Variants in NINL observed in about 807,000 individuals in gnomAD.
NINL encodes the protein ninein-like protein.
Under a neutral mutation model 160.3 loss-of-function variants are expected in NINL, and 153 were observed. The ratio of observed to expected loss-of-function variants is 0.95; its 90% CI spans 0.84 to 1.09. The LOEUF (loss-of-function observed/expected upper bound fraction) is 1.09, where lower values mean the gene tolerates loss of function less well. Ranked by LOEUF, NINL falls within the 50% of genes least tolerant of loss-of-function variation. The pLI is 0.00. For synonymous variants in NINL, 800 were observed against 734.8 expected, an observed-to-expected ratio of 1.09 and a Z score of -1.43; for missense variants, 1,829 against 1,764.0, an observed-to-expected ratio of 1.04 and a Z score of -0.66.
chr20:25,536,552 A>G (rs1393222092), intron 1 of NINL, among the ~76,000 whole-genome samples: 1 of 152,166 alleles, frequency 6.6e-6, no homozygotes, highest in Non-Finnish European at 1.5e-5. Flanking sequence ...CTCTACAAAA[A>G]TACAAAAAAT....
intron 3 of NINL, among the ~76,000 whole-genome samples, chr20:25,517,134 C>G (rs1013464940): frequency 1.3e-5 from 2 of 152,120 alleles, no homozygotes; most frequent in African/African-American, 2.4e-5. Context: ...TGTCCCAAAC[C>G]CTGTGACAGC....
chr20:25,553,022 G>C (rs1351894120), intron 1 of NINL, among the ~76,000 whole-genome samples: 3 of 152,042 alleles, frequency 2.0e-5, no homozygotes, highest in Non-Finnish European at 4.4e-5. Flanking sequence ...CCACGCAAGG[G>C]CACTGGTGCA....
intron 22 of NINL, among the ~76,000 whole-genome samples, chr20:25,456,278 T>C (rs1600973233): frequency 1.5e-5 from 2 of 135,334 alleles, no homozygotes; most frequent in East Asian, 4.5e-4. Context: ...CCAGGTGCAG[T>C]GGTTCACAAC....
chr20:25,532,698 TG>T (rs2064486833), intron 1 of NINL, among the ~76,000 whole-genome samples: 1 of 152,152 alleles, frequency 6.6e-6, no homozygotes, highest in African/African-American at 2.4e-5. Context: ...GGCAAGCAGG[TG>T]AGTCAGACAC....
At chr20:25,495,320 G>A (rs752002319) in intron 10 of NINL, among the ~76,000 whole-genome samples, 4 of 152,198 alleles carry the variant, frequency 2.6e-5, no homozygotes, top group African/African-American at 7.2e-5. Flanking sequence ...TGGGGACTCC[G>A]CAGCACCCCA....
intron 3 of NINL, among the ~76,000 whole-genome samples, chr20:25,515,429 G>C (rs2064143101): frequency 6.6e-6 from 1 of 152,170 alleles, no homozygotes; most frequent in Non-Finnish European, 1.5e-5. Context: ...CAGGCTCATA[G>C]GCGGAAGGGA....
At position 25,476,661 on chromosome 20, in the gene NINL, G is replaced by A. The variant is rs770058821; in HGVS notation, c.2630C>T (p.Pro877Leu). ...RESEEAAGAG[P>L]RRRQAQDTEA... ...TGTGTCCTGGGCTTGCCTGCGGCGA[G>A]GCCCGGCTCCTGCCGCCTCCTCAGA... is the stretch of plus-strand genomic sequence containing the variant. The change falls in exon 17 of 24, where the codon CCT becomes CTT. Residue 877 changes from proline (P) to leucine (L), a missense_variant. Pro to Leu is a moderately conservative substitution (Grantham distance 98). Coordinates refer to ENST00000278886, the MANE Select transcript of NINL (RefSeq NM_025176.6). The A allele has an allele frequency of 6.9e-6, 11 of 1,587,844 alleles. No homozygotes were observed. In the East Asian group the frequency reaches 2.2e-4, roughly 32 times the overall value.
chr20:25,577,868 C>T (rs1164598035), intron 1 of NINL, among the ~76,000 whole-genome samples: 37 of 150,454 alleles, frequency 2.5e-4, no homozygotes, highest in African/African-American at 9.0e-4. Flanking sequence ...GTTTCACTCT[C>T]GTTGCCCAGG....
intron 10 of NINL, among the ~76,000 whole-genome samples, chr20:25,493,784 C>A (rs2146713476): frequency 6.6e-6 from 1 of 152,168 alleles, no homozygotes; most frequent in Admixed American, 6.5e-5. Context: ...CGCTTCCTAA[C>A]AAAATGCCTT....
chr20:25,532,295 G>A (rs1338567425), intron 1 of NINL, among the ~76,000 whole-genome samples: 3 of 152,200 alleles, frequency 2.0e-5, no homozygotes. Context: ...TTCGAGGCTG[G>A]GCTAGGATTT....
Position 25,467,423 on chromosome 20 carries a change from T to C in NINL, c.3389A>G (p.Lys1130Arg), listed in dbSNP as rs751610294. The C allele has an allele frequency of 1.9e-6, 3 of 1,613,604 alleles. No individual in the cohort carries two copies. In the South Asian group the frequency reaches 3.3e-5, roughly 18 times the overall value. ...EIEVLKKDKE[K>R]ACSEMEVLNR... ...GAGCACCTCCATCTCAGAGCAGGCC[T>C]TTTCCTTGTCTTTCTTTAAAACCTC... is the stretch of plus-strand genomic sequence containing the variant. Residue 1130 changes from lysine (K) to arginine (R), a missense_variant, in exon 19 of 24, where the codon AAG (lysine) becomes AGG (arginine). Physicochemically the swap from Lys to Arg is conservative, Grantham distance 26. Coordinates refer to ENST00000278886, the MANE Select transcript of NINL (RefSeq NM_025176.6).
At position 25,496,769 on chromosome 20, in the gene NINL, T is replaced by TA; in HGVS notation, c.1203_1204insT (p.Lys402Ter). 6.2e-7 allele frequency: 1 copy of TA among 1,614,022 alleles called. No homozygotes were observed. Among genetic ancestry groups the TA allele is most frequent in the East Asian group, 2.2e-5 (1 of 44,874 alleles). ...GCCCTCTCCAGGTCCTGCCTTGCCT[T>TA]GTCACGCTCCCTTGCCAGCTGCTCC... On this transcript the variant is annotated frameshift_variant, in exon 10 of 24. Coordinates refer to ENST00000278886, the MANE Select transcript of NINL (RefSeq NM_025176.6). LOFTEE classifies it high-confidence loss of function.
At chr20:25,556,550 G>T (rs182635033) in intron 1 of NINL, among the ~76,000 whole-genome samples, 1 of 151,502 alleles carries the variant, frequency 6.6e-6, no homozygotes. Context: ...ACTTGAGTCT[G>T]GGAGGTCAAG....
At position 25,476,541 on chromosome 20, in the gene NINL, T is replaced by C. The variant is rs1159308120; in HGVS notation, c.2750A>G (p.Asp917Gly). The C allele has an allele frequency of 6.2e-7, 1 of 1,600,266 alleles. No individual in the cohort carries two copies. Among genetic ancestry groups the C allele is most frequent in the Non-Finnish European group, 8.5e-7 (1 of 1,179,806 alleles). ...SRMQPCGVDG[D>G]IVPKEPEPFG... ...AGGCTCTGGCTCCTTTGGGACAATA[T>C]CCCCATCCACTCCACAGGGCTGCAT... Residue 917 changes from aspartate to glycine, a missense_variant, in exon 17 of 24, where the codon GAT becomes GGT. Coordinates refer to ENST00000278886, the MANE Select transcript of NINL (RefSeq NM_025176.6).
chr20:25,540,563 C>T (rs1484368135), intron 1 of NINL, among the ~76,000 whole-genome samples: 1 of 152,190 alleles, frequency 6.6e-6, no homozygotes, highest in Non-Finnish European at 1.5e-5. Flanking sequence ...GTGTGCCAAT[C>T]ACCTAGGGAC....
At chr20:25,542,418 G>A (rs941140783) in intron 1 of NINL, among the ~76,000 whole-genome samples, 1 of 151,846 alleles carries the variant, frequency 6.6e-6, no homozygotes, top group African/African-American at 2.4e-5. Flanking sequence ...ACACATCAGA[G>A]GAGACCAAGA....
At chr20:25,519,989 C>CAA (rs59160061) in intron 2 of NINL, among the ~76,000 whole-genome samples, 840 of 12,130 alleles carry the variant, frequency 0.069, 304 homozygotes, top group African/African-American at 0.11. Context: ...GACCCCGTCT[C>CAA]AAAAAAAAAA....
rs574522725 is a variant in NINL, at chr20:25,568,644, C to T, written c.-12+16811G>A. ...CAGACTGGTCTCAAACTCCTGTGCTCGAGTGATCCTGCCACCTCAGCCTTC... is the reference window on the plus strand; with the variant it reads ...CAGACTGGTCTCAAACTCCTGTGCTTGAGTGATCCTGCCACCTCAGCCTTC... On this transcript the variant is annotated intron_variant, in intron 1 of 23. Transcript: ENST00000278886. Among the ~76,000 whole-genome samples the T allele has an allele frequency of 3.3e-5, 5 of 151,890 alleles. No homozygotes were observed. In the East Asian group the frequency reaches 5.9e-4, roughly 18 times the overall value.
chr20:25,467,328 T>G, intron 19 of NINL, 61 bp downstream of exon 19: 1 of 1,337,620 alleles, frequency 7.5e-7, no homozygotes, highest in East Asian at 2.3e-5. Context: ...TTAAAATGAT[T>G]TCAAAATAAT....
Sources: allele counts gnomAD v4.1 joint callset (sites outside exome capture counted in the v4.1 genomes callset), GRCh38; gene constraint gnomAD v4.1.1; transcripts MANE v1.5; gene names NCBI Gene and HGNC (gene_info 2026-07-23, HGNC 2026-07-21).